DPP6: variants seen among roughly 807,000 people sequenced by gnomAD.
DPP6 encodes the protein dipeptidyl peptidase like 6, also known as A-type potassium channel modulatory protein DPP6.
Under a neutral mutation model 122.6 loss-of-function variants are expected in DPP6, and 69 were observed. The observed-to-expected ratio is 0.56, with a 90% CI of 0.46 to 0.69. DPP6 has a LOEUF of 0.69. DPP6 is among the 30% of genes least tolerant of loss of function. The probability of loss-of-function intolerance (pLI) is 0.00; values close to 1 mark genes in which losing one functional copy is unlikely to be tolerated. For synonymous variants in DPP6, 418 were observed against 433.1 expected, an observed-to-expected ratio of 0.97 and a Z score of 0.43; for missense variants, 928 against 1,116.9, an observed-to-expected ratio of 0.83 and a Z score of 2.41.
intron 1 of DPP6, among the ~76,000 whole-genome samples, chr7:154,084,844 G>A (rs566251951): frequency 1.9e-3 from 286 of 151,594 alleles, no homozygotes; most frequent in Non-Finnish European, 3.6e-3. Flanking sequence ...AAAAAAATTA[G>A]CCGGGCATGG....
intron 10 of DPP6, among the ~76,000 whole-genome samples, chr7:154,791,203 G>T (rs1563214171): frequency 1.3e-5 from 2 of 152,132 alleles, no homozygotes; most frequent in Admixed American, 6.5e-5. Flanking sequence ...AGTGAGCCAA[G>T]ATATTGTGCC....
chr7:154,467,335 G>A (rs1821874074), intron 2 of DPP6, among the ~76,000 whole-genome samples: 1 of 152,154 alleles, frequency 6.6e-6, no homozygotes. Flanking sequence ...CTAACGTGTT[G>A]AATGAGAGGC....
chr7:154,059,181 C>T (rs570178630), intron 1 of DPP6: 3 of 148,746 alleles, frequency 2.0e-5, no homozygotes, highest in Admixed American at 6.6e-5. Flanking sequence ...TTAATACCCC[C>T]ATCGCAGGGT....
In DPP6 at chr7:154,839,424, A is replaced by G. The variant is rs182298085; in HGVS notation, c.1667-14356A>G. On this transcript the variant is annotated intron_variant, in intron 16 of 25. Coordinates refer to ENST00000377770, the MANE Select transcript of DPP6 (RefSeq NM_130797.4). Reference sequence around the variant, plus strand: ...AGTAGAGGACTGAGTCTGTGGCCAAAGTGCCTGGCTTCCAGTGCTGGCGTT... The same window carrying G: ...AGTAGAGGACTGAGTCTGTGGCCAAGGTGCCTGGCTTCCAGTGCTGGCGTT... 2.5e-3 allele frequency among the ~76,000 whole-genome samples: 379 copies of G among 152,350 alleles called. 2 individuals carry two copies. The highest frequency in any genetic ancestry group is 8.9e-3 in the African/African-American group (369 of 41,580).
At chr7:154,630,283 C>T (rs1412451917) in intron 5 of DPP6, among the ~76,000 whole-genome samples, 5 of 152,150 alleles carry the variant, frequency 3.3e-5, no homozygotes, top group Admixed American at 6.5e-5. Flanking sequence ...GAGGGGAGCA[C>T]AGGCAGGCCA....
intron 5 of DPP6, among the ~76,000 whole-genome samples, chr7:154,575,229 G>C (rs1319465525): frequency 2.4e-5 from 3 of 125,424 alleles, no homozygotes; most frequent in African/African-American, 8.8e-5. Context: ...GGTGTGGTGT[G>C]TGTGTGGTGT....
chr7:154,356,568 C>G, intron 1 of DPP6, among the ~76,000 whole-genome samples: 1 of 151,922 alleles, frequency 6.6e-6, no homozygotes, highest in East Asian at 1.9e-4. Context: ...ACCTTATCCC[C>G]CAACCCCCCC....
the DPP6 span, among the ~76,000 whole-genome samples, chr7:153,816,888 A>T: frequency 0.021 from 3,148 of 151,128 alleles, 49 homozygotes; most frequent in Middle Eastern, 0.031. Flanking sequence ...CCGTCTCCCA[A>T]CTGTAGAGCT....
intron 1 of DPP6, among the ~76,000 whole-genome samples, chr7:154,436,985 C>A (rs1452436465): frequency 6.6e-6 from 1 of 152,158 alleles, no homozygotes; most frequent in Non-Finnish European, 1.5e-5. Flanking sequence ...TGCATGTAGT[C>A]AGAGGTTGTG....
intron 8 of DPP6, among the ~76,000 whole-genome samples, chr7:154,748,587 G>T (rs1386627565): frequency 1.3e-5 from 2 of 152,236 alleles, no homozygotes; most frequent in African/African-American, 4.8e-5. Context: ...TGCGGGGCGG[G>T]GAGGGAGACC....
chr7:154,804,068 C>A, intron 14 of DPP6, 113 bp downstream of exon 14: 1 of 1,297,824 alleles, frequency 7.7e-7, no homozygotes. Context: ...CTCTTTCCTC[C>A]TCAGGCAGCA....
the DPP6 span, among the ~76,000 whole-genome samples, chr7:153,821,923 C>T: frequency 2.6e-4 from 40 of 152,194 alleles, no homozygotes; most frequent in African/African-American, 9.4e-4. Context: ...GGCTTTTCTC[C>T]ATTGGTCATA....
chr7:154,313,501 T>C (rs912656166), intron 1 of DPP6, among the ~76,000 whole-genome samples: 2 of 151,542 alleles, frequency 1.3e-5, no homozygotes, highest in African/African-American at 2.4e-5. Flanking sequence ...GTGGAATAGG[T>C]AAAACCAGAG....
intron 16 of DPP6, among the ~76,000 whole-genome samples, chr7:154,811,551 A>T (rs1799061098): frequency 6.6e-6 from 1 of 152,270 alleles, no homozygotes; most frequent in Non-Finnish European, 1.5e-5. Flanking sequence ...AAGCAGTCCA[A>T]GTGGAAGGTA....
intron 19 of DPP6, among the ~76,000 whole-genome samples, chr7:154,874,139 T>A (rs947389338): frequency 2.0e-5 from 3 of 146,468 alleles, no homozygotes; most frequent in African/African-American, 7.5e-5. Context: ...CCCACACATG[T>A]GCACACACAC....
chr7:154,700,555 T>C (rs1221942807), intron 7 of DPP6, among the ~76,000 whole-genome samples: 2 of 152,252 alleles, frequency 1.3e-5, no homozygotes, highest in Non-Finnish European at 2.9e-5. Context: ...CTGTTGCACG[T>C]GATTTTCTTG....
intron 2 of DPP6, among the ~76,000 whole-genome samples, chr7:154,460,841 G>A (rs941570118): frequency 6.6e-6 from 1 of 152,040 alleles, no homozygotes; most frequent in African/African-American, 2.4e-5. Flanking sequence ...TCCTTTCTTT[G>A]TGTTGCAAAC....
chr7:154,524,012 A>G (rs1827209439), intron 3 of DPP6, among the ~76,000 whole-genome samples: 1 of 152,092 alleles, frequency 6.6e-6, no homozygotes, highest in South Asian at 2.1e-4. Context: ...TTCTGAATTA[A>G]TCACCTCTTC....
At chr7:154,522,956 C>T (rs1368905195) in intron 3 of DPP6, among the ~76,000 whole-genome samples, 2 of 152,178 alleles carry the variant, frequency 1.3e-5, no homozygotes, top group Non-Finnish European at 2.9e-5. Context: ...ACCCAACGTT[C>T]CCCCAAAACC....
Sources: gnomAD v4.1 joint callset for allele counts (sites outside exome capture counted in the v4.1 genomes callset) on GRCh38, gnomAD v4.1.1 for gene constraint, MANE v1.5 for transcripts, NCBI Gene and HGNC (gene_info 2026-07-23, HGNC 2026-07-21) for gene names.